GRID2: variants seen among roughly 807,000 people sequenced by gnomAD.
GRID2 encodes glutamate receptor ionotropic, delta-2.
Under a neutral mutation model 114.8 loss-of-function variants are expected in GRID2, and 33 were observed. The ratio of observed to expected loss-of-function variants is 0.29; its 90% CI spans 0.22 to 0.38. The LOEUF is 0.38. GRID2 is among the 10% of genes least tolerant of loss of function. The probability of loss-of-function intolerance (pLI) is 1.00; values close to 1 mark genes in which losing one functional copy is unlikely to be tolerated. For synonymous variants in GRID2, 505 were observed against 449.9 expected (o/e 1.12, Z -1.55); for missense variants, 1,184 against 1,257.7 (o/e 0.94, Z 0.89).
intron 2 of GRID2, among the ~76,000 whole-genome samples, chr4:92,887,596 T>C (rs1037736744): frequency 6.6e-6 from 1 of 152,218 alleles, no homozygotes; most frequent in Non-Finnish European, 1.5e-5. Context: ...ATGATGGTTT[T>C]CATATCATGG....
chr4:93,432,759 A>C (rs2149381920), intron 10 of GRID2, among the ~76,000 whole-genome samples: 1 of 152,254 alleles, frequency 6.6e-6, no homozygotes, highest in East Asian at 1.9e-4. Context: ...GTTAATAATC[A>C]TGTATTGATA....
At chr4:93,601,003 T>A in intron 13 of GRID2, among the ~76,000 whole-genome samples, 1 of 152,134 alleles carries the variant, frequency 6.6e-6, no homozygotes, top group East Asian at 1.9e-4. Context: ...AGAGCAATAG[T>A]GCCCAGAGGG....
chr4:93,134,094 A>G (rs1161523243), intron 4 of GRID2, among the ~76,000 whole-genome samples: 1 of 152,112 alleles, frequency 6.6e-6, no homozygotes, highest in Non-Finnish European at 1.5e-5. Flanking sequence ...AATGCCTTTC[A>G]ATATATGTCA....
At chr4:92,616,080 ATTTG>A (rs576977911) in intron 2 of GRID2, among the ~76,000 whole-genome samples, 5 of 151,728 alleles carry the variant, frequency 3.3e-5, no homozygotes, top group South Asian at 2.1e-4. Flanking sequence ...CATTTCTTTC[ATTTG>A]TTTGAGTGGA....
At chr4:92,847,652 T>G (rs575370450) in intron 2 of GRID2, among the ~76,000 whole-genome samples, 1 of 152,060 alleles carries the variant, frequency 6.6e-6, no homozygotes, top group Non-Finnish European at 1.5e-5. Context: ...ACTGATGAAT[T>G]TGTTCCCATT....
chr4:92,583,923 G>A (rs905613803), intron 1 of GRID2, among the ~76,000 whole-genome samples: 1 of 147,892 alleles, frequency 6.8e-6, no homozygotes. Flanking sequence ...ACACATATAT[G>A]TATATATATA....
intron 1 of GRID2, among the ~76,000 whole-genome samples, chr4:92,306,915 A>G (rs1255046017): frequency 6.6e-6 from 1 of 152,198 alleles, no homozygotes; most frequent in Non-Finnish European, 1.5e-5. Context: ...TAATTAGTAC[A>G]TTAGATGAGA....
intron 11 of GRID2, among the ~76,000 whole-genome samples, chr4:93,474,122 T>G (rs1299275645): frequency 1.3e-5 from 2 of 152,096 alleles, no homozygotes; most frequent in African/African-American, 4.8e-5. Flanking sequence ...ATTCCAATAC[T>G]GGGTGCTTAG....
chr4:92,308,967 C>A (rs529681670), intron 1 of GRID2, among the ~76,000 whole-genome samples: 29 of 152,092 alleles, frequency 1.9e-4, no homozygotes, highest in Admixed American at 4.6e-4. Context: ...TTATTTGAAG[C>A]ACAATTCAAG....
At chr4:92,308,789 C>A (rs926998692) in intron 1 of GRID2, among the ~76,000 whole-genome samples, 8 of 151,690 alleles carry the variant, frequency 5.3e-5, no homozygotes, top group Non-Finnish European at 2.9e-5. Flanking sequence ...ATGATAACCC[C>A]CAGGACTCCT....
At chr4:93,589,082 G>A (rs1248454870) in intron 13 of GRID2, among the ~76,000 whole-genome samples, 1 of 151,514 alleles carries the variant, frequency 6.6e-6, no homozygotes, top group African/African-American at 2.4e-5. Flanking sequence ...TTAAGTTTTA[G>A]GGTACATGGG....
At chr4:92,350,253 A>G (rs916029584) in intron 1 of GRID2, among the ~76,000 whole-genome samples, 4 of 151,762 alleles carry the variant, frequency 2.6e-5, no homozygotes, top group African/African-American at 7.3e-5. Flanking sequence ...TTTCCCTTAT[A>G]ACTATATTGC....
At chr4:93,380,801 A>C (rs1763779860) in intron 8 of GRID2, among the ~76,000 whole-genome samples, 1 of 152,064 alleles carries the variant, frequency 6.6e-6, no homozygotes, top group East Asian at 1.9e-4. Flanking sequence ...ACTCTAAAGC[A>C]TATTGTCTTA....
intron 1 of GRID2, among the ~76,000 whole-genome samples, chr4:92,541,813 A>G (rs1032833137): frequency 6.6e-6 from 1 of 152,140 alleles, no homozygotes; most frequent in Non-Finnish European, 1.5e-5. Context: ...ATTTACTGTT[A>G]GAGAATCCTG....
intron 2 of GRID2, among the ~76,000 whole-genome samples, chr4:92,907,652 C>T (rs1047613709): frequency 1.1e-4 from 16 of 152,148 alleles, no homozygotes; most frequent in Admixed American, 3.3e-4. Context: ...TCAGTTGATC[C>T]GCCTGCTTCA....
chr4:92,481,995 TATATATATATATATATATATATATA>T (rs1722623830), intron 1 of GRID2, among the ~76,000 whole-genome samples: 3 of 51,116 alleles, frequency 5.9e-5, no homozygotes, highest in Admixed American at 1.9e-4. Context: ...TATATATATA[TATATATATATATATATATATATATA>T]TATATATATA....
At chr4:92,875,227 A>G (rs531367239) in intron 2 of GRID2, among the ~76,000 whole-genome samples, 2 of 142,148 alleles carry the variant, frequency 1.4e-5, no homozygotes, top group Admixed American at 7.6e-5. Context: ...CAATGGCGCA[A>G]TCTCAGCCTA....
At chr4:92,455,882 A>C (rs1190330890) in intron 1 of GRID2, among the ~76,000 whole-genome samples, 1 of 152,172 alleles carries the variant, frequency 6.6e-6, no homozygotes, top group East Asian at 1.9e-4. Flanking sequence ...TGATTGATTA[A>C]TTACAGTGAT....
intron 1 of GRID2, among the ~76,000 whole-genome samples, chr4:92,524,921 G>A (rs1724972481): frequency 6.6e-6 from 1 of 152,002 alleles, no homozygotes; most frequent in South Asian, 2.1e-4. Flanking sequence ...CATTTACAGA[G>A]CACAATAAAG....
Sources: gnomAD v4.1 joint callset for allele counts (sites outside exome capture counted in the v4.1 genomes callset) on GRCh38, gnomAD v4.1.1 for gene constraint, MANE v1.5 for transcripts, NCBI Gene and HGNC (gene_info 2026-07-23, HGNC 2026-07-21) for gene names.